Variants in CCDC158 observed in about 807,000 individuals in gnomAD.
CCDC158 encodes the protein coiled-coil domain containing 158, also known as coiled-coil domain-containing protein 158.
A neutral mutation model predicts 138.6 loss-of-function variants in CCDC158; 116 were observed. That is an observed-to-expected ratio of 0.84 (90% CI 0.72 to 0.98). The LOEUF (loss-of-function observed/expected upper bound fraction) is 0.98. Ranked by LOEUF, CCDC158 falls within the 50% of genes least tolerant of loss-of-function variation. The pLI is 0.00. For missense variants in CCDC158, 1,265 were observed against 1,306.1 expected, an observed-to-expected ratio of 0.97 and a Z score of 0.48; for synonymous variants, 436 against 442.4, an observed-to-expected ratio of 0.99 and a Z score of 0.18.
intron 5 of CCDC158, 45 bp downstream of exon 5, chr4:76,384,511 C>T: frequency 2.6e-6 from 4 of 1,565,054 alleles, no homozygotes; most frequent in Non-Finnish European, 3.5e-6. Flanking sequence ...AATAATTTCA[C>T]ATAATGAAAA....
chr4:76,399,941 G>C (rs555509106), intron 3 of CCDC158, among the ~76,000 whole-genome samples: 118 of 152,292 alleles, frequency 7.7e-4, no homozygotes, highest in African/African-American at 2.7e-3. Context: ...AGCTATGGGA[G>C]AAGGAGGCAT....
At chr4:76,420,122 C>T (rs1344516184) in intron 1 of CCDC158, among the ~76,000 whole-genome samples, 1 of 151,828 alleles carries the variant, frequency 6.6e-6, no homozygotes, top group Non-Finnish European at 1.5e-5. Context: ...AAGCAATGAG[C>T]GCAGTACAGA....
chr4:76,350,996 A>G lies in CCDC158; in HGVS notation c.2664T>C (p.His888=), dbSNP rs750608734. Residue 888 remains histidine, a splice_region_variant and synonymous_variant, in exon 18 of 25, where the codon CAT becomes CAC. Transcript: ENST00000682701. ...SSQSTASFLS[H]HSTKANTLKE... Reference sequence around the variant, plus strand: ...ATGGATCATAAGACTGGTTACTTACATGAGACAGGAAGCTGGCTGTAGACT... The same window carrying G: ...ATGGATCATAAGACTGGTTACTTACGTGAGACAGGAAGCTGGCTGTAGACT... 5.6e-6 allele frequency: 9 copies of G among 1,613,514 alleles called. No homozygotes were observed. In the Admixed American group the frequency reaches 1.2e-4, roughly 21 times the overall value.
chr4:76,414,153 T>A (rs534686243), intron 1 of CCDC158: 1 of 152,274 alleles, frequency 6.6e-6, no homozygotes, highest in South Asian at 2.1e-4. Flanking sequence ...CAGGGATCTG[T>A]CTGTCCCAGC....
intron 24 of CCDC158, among the ~76,000 whole-genome samples, chr4:76,319,347 C>T (rs1719723101): frequency 7.1e-6 from 1 of 140,750 alleles, no homozygotes; most frequent in Non-Finnish European, 1.5e-5. Context: ...GCAGGAGAAT[C>T]ACTTGAACCC....
chr4:76,349,296 G>C (rs1159508048), intron 18 of CCDC158, among the ~76,000 whole-genome samples: 1 of 152,094 alleles, frequency 6.6e-6, no homozygotes, highest in Non-Finnish European at 1.5e-5. Context: ...TTTAAGAGAA[G>C]GAATTAATTG....
intron 23 of CCDC158, among the ~76,000 whole-genome samples, chr4:76,323,922 T>A (rs1720280219): frequency 6.6e-6 from 1 of 152,180 alleles, no homozygotes; most frequent in African/African-American, 2.4e-5. Flanking sequence ...ACACTGAACC[T>A]AGAACAAATG....
At chr4:76,367,878 C>A in intron 11 of CCDC158, 102 bp from the exon 12 acceptor site, 1 of 1,115,024 alleles carries the variant, frequency 9.0e-7, no homozygotes, top group Non-Finnish European at 1.2e-6. Flanking sequence ...ATGAATTAGG[C>A]AATGTTTAGT....
Position 76,382,702 on chromosome 4 carries a change from AC to A in CCDC158, c.821del (p.Ser274MetfsTer7), listed in dbSNP as rs1268782793. ...QHQDRIEQLI[S>X]EHEVEITGLT... Reference sequence around the variant, plus strand: ...GTCCTGTTATTTCAACTTCATGTTCACTTATTAACTGCTCAATCCTATAAAA... The same window carrying A: ...GTCCTGTTATTTCAACTTCATGTTCATTATTAACTGCTCAATCCTATAAAA... On this transcript the variant is annotated frameshift_variant, in exon 8 of 25. Transcript: ENST00000682701. LOFTEE classifies it high-confidence loss of function. The A allele has an allele frequency of 6.2e-7, 1 of 1,610,836 alleles. No individual in the cohort carries two copies. Among genetic ancestry groups the A allele is most frequent in the East Asian group, 2.2e-5 (1 of 44,794 alleles).
chr4:76,393,615 T>C (rs557769731), intron 4 of CCDC158, among the ~76,000 whole-genome samples: 27 of 151,828 alleles, frequency 1.8e-4, no homozygotes, highest in Admixed American at 4.6e-4. Flanking sequence ...AAGCAACCAA[T>C]GCAAAAATGG....
intron 18 of CCDC158, among the ~76,000 whole-genome samples, chr4:76,336,209 A>C (rs1022356648): frequency 1.4e-5 from 2 of 147,946 alleles, no homozygotes; most frequent in Non-Finnish European, 3.0e-5. Flanking sequence ...AAAAAAAAAA[A>C]CCATTCAATT....
intron 18 of CCDC158, among the ~76,000 whole-genome samples, chr4:76,349,016 G>A (rs1722821212): frequency 6.6e-6 from 1 of 152,136 alleles, no homozygotes; most frequent in African/African-American, 2.4e-5. Flanking sequence ...CACATGATAG[G>A]CAAACTGTTA....
chr4:76,356,471 G>T (rs1876534), intron 14 of CCDC158: 85,399 of 151,902 alleles, frequency 0.56, 25,435 homozygotes, highest in East Asian at 0.78. Context: ...AATGTCCCTG[G>T]GGTGGTTGTG....
intron 12 of CCDC158, among the ~76,000 whole-genome samples, chr4:76,362,861 T>C (rs557152574): frequency 6.6e-6 from 1 of 152,186 alleles, no homozygotes; most frequent in African/African-American, 2.4e-5. Context: ...ATATTTAATA[T>C]GTCAGGTAAG....
Position 76,357,397 on chromosome 4 carries a change from G to A in CCDC158, c.2150C>T (p.Ser717Leu). ...ELEQTRNTLK[S>L]MEGSDGHAMK... ...ACCATGACCATCAGATCCTTCCATT[G>A]ACTTTAATGTATTTCTTGTCTGTTC... The change falls in exon 14 of 25, where the codon TCA becomes TTA. Residue 717 changes from serine (S) to leucine (L), a missense_variant. Coordinates refer to ENST00000682701, the MANE Select transcript of CCDC158 (RefSeq NM_001394954.1). 6.3e-7 allele frequency: 1 copy of A among 1,581,574 alleles called. No individual in the cohort carries two copies. The highest frequency in any genetic ancestry group is 1.2e-5 in the South Asian group (1 of 83,336).
chr4:76,410,796 T>C (rs1729233664), intron 2 of CCDC158, among the ~76,000 whole-genome samples: 1 of 152,228 alleles, frequency 6.6e-6, no homozygotes. Context: ...TGTTAGCTGC[T>C]TATTAACTTC....
chr4:76,378,470 T>G (rs1725921343), intron 9 of CCDC158, among the ~76,000 whole-genome samples: 1 of 152,136 alleles, frequency 6.6e-6, no homozygotes, highest in South Asian at 2.1e-4. Context: ...ATAGGTAGGA[T>G]GACTAAATAT....
At chr4:76,315,470 T>C (rs930723276) in intron 24 of CCDC158, among the ~76,000 whole-genome samples, 4 of 152,182 alleles carry the variant, frequency 2.6e-5, no homozygotes, top group African/African-American at 9.7e-5. Context: ...TGTGCCGTCT[T>C]GAAAGTGCCA....
At position 76,353,147 on chromosome 4, in the gene CCDC158, A is replaced by C; in HGVS notation, c.2421T>G (p.Thr807=). ...SQERRLKEKV[T]NMEVALDKAS... ...CCTTATCCAGAGCCACTTCCATATT[A>C]GTAACCTTTTCTTTCAAACGGCGTT... is the stretch of plus-strand genomic sequence containing the variant. The change falls in exon 16 of 25, where the codon ACT becomes ACG. Residue 807 remains threonine, a synonymous_variant. Transcript: ENST00000682701. 1.2e-6 allele frequency: 2 copies of C among 1,613,210 alleles called. No individual in the cohort carries two copies. The highest frequency in any genetic ancestry group is 1.7e-6 in the Non-Finnish European group (2 of 1,179,688).
Sources: allele counts gnomAD v4.1 joint callset (sites outside exome capture counted in the v4.1 genomes callset), GRCh38; gene constraint gnomAD v4.1.1; transcripts MANE v1.5; gene names NCBI Gene and HGNC (gene_info 2026-07-23, HGNC 2026-07-21).